KCNT2: variants seen among roughly 807,000 people sequenced by gnomAD.
The protein encoded by KCNT2 is potassium channel subfamily T member 2.
KCNT2 carries 67 observed loss-of-function variants against 153.8 expected under a neutral mutation model. The ratio of observed to expected loss-of-function variants is 0.44; its 90% CI spans 0.36 to 0.53. KCNT2 has a LOEUF of 0.53. Among genes scored for constraint, KCNT2 ranks in the 20% least tolerant of loss-of-function variants. The probability of loss-of-function intolerance (pLI) is 0.00; values close to 1 mark genes in which losing one functional copy is unlikely to be tolerated. For missense variants in KCNT2, 975 were observed against 1,354.8 expected (o/e 0.72, Z 4.40); for synonymous variants, 500 against 458.8 (o/e 1.09, Z -1.15).
At chr1:196,424,165 C>T (rs1265518263) in intron 11 of KCNT2, among the ~76,000 whole-genome samples, 1 of 151,464 alleles carries the variant, frequency 6.6e-6, no homozygotes, top group Non-Finnish European at 1.5e-5. Flanking sequence ...TAAATATGGT[C>T]GCTTTTACCA....
At chr1:196,352,235 G>A (rs1466531003) in intron 14 of KCNT2, among the ~76,000 whole-genome samples, 1 of 151,918 alleles carries the variant, frequency 6.6e-6, no homozygotes, top group Admixed American at 6.6e-5. Context: ...GAGTTAGGGA[G>A]GATTCCCTCT....
At chr1:196,303,732 C>T (rs533162288) in intron 22 of KCNT2, among the ~76,000 whole-genome samples, 20 of 152,188 alleles carry the variant, frequency 1.3e-4, no homozygotes, top group Non-Finnish European at 2.5e-4. Flanking sequence ...CCCAAGGCTA[C>T]GAAATAATTT....
At chr1:196,499,368 C>T (rs973738742) in intron 1 of KCNT2, among the ~76,000 whole-genome samples, 8 of 152,220 alleles carry the variant, frequency 5.3e-5, no homozygotes, top group African/African-American at 1.7e-4. Flanking sequence ...ATACCACGTT[C>T]ATTCATTAGA....
At chr1:196,436,521 C>T (rs1455133539) in intron 8 of KCNT2, among the ~76,000 whole-genome samples, 2 of 151,398 alleles carry the variant, frequency 1.3e-5, no homozygotes, top group Non-Finnish European at 3.0e-5. Flanking sequence ...AGTTATTTTA[C>T]TTAGATCTGT....
At chr1:196,375,090 A>G (rs561235164) in intron 13 of KCNT2, among the ~76,000 whole-genome samples, 13 of 151,820 alleles carry the variant, frequency 8.6e-5, no homozygotes, top group Non-Finnish European at 1.5e-4. Context: ...AAAAAAGTAA[A>G]AAAAATAATT....
At chr1:196,243,593 TG>T (rs1373376422) in intron 26 of KCNT2, among the ~76,000 whole-genome samples, 1 of 152,004 alleles carries the variant, frequency 6.6e-6, no homozygotes, top group Admixed American at 6.6e-5. Flanking sequence ...CCTGGAACAG[TG>T]GTAAGCAACA....
At chr1:196,329,713 C>T (rs1233801504) in intron 18 of KCNT2, among the ~76,000 whole-genome samples, 1 of 149,702 alleles carries the variant, frequency 6.7e-6, no homozygotes, top group Non-Finnish European at 1.5e-5. Context: ...ACTGAAAATA[C>T]ATAGCTTGCC....
chr1:196,419,521 C>T (rs149941257), intron 12 of KCNT2, among the ~76,000 whole-genome samples: 8,697 of 151,368 alleles, frequency 0.057, 384 homozygotes, highest in Non-Finnish European at 0.085. Context: ...ACTCATCATT[C>T]TTTATGGTTG....
chr1:196,476,611 T>G (rs1347762757), intron 5 of KCNT2, among the ~76,000 whole-genome samples: 1 of 152,172 alleles, frequency 6.6e-6, no homozygotes, highest in African/African-American at 2.4e-5. Context: ...TCTAATTTAC[T>G]TATTGATCCA....
intron 22 of KCNT2, among the ~76,000 whole-genome samples, chr1:196,294,681 A>G (rs941543279): frequency 2.0e-5 from 3 of 152,160 alleles, no homozygotes; most frequent in Admixed American, 1.3e-4. Flanking sequence ...CTGAAAAAGT[A>G]TGTTGAAGAG....
At chr1:196,286,541 A>G (rs1301632165) in intron 22 of KCNT2, among the ~76,000 whole-genome samples, 1 of 151,946 alleles carries the variant, frequency 6.6e-6, no homozygotes, top group Non-Finnish European at 1.5e-5. Context: ...CTAGCTGTCC[A>G]TCATCTTAGT....
intron 1 of KCNT2, among the ~76,000 whole-genome samples, chr1:196,575,753 G>A (rs913376232): frequency 4.0e-5 from 6 of 151,840 alleles, no homozygotes; most frequent in East Asian, 1.9e-4. Flanking sequence ...TAAGGCTGGC[G>A]GATCACCTGA....
At chr1:196,606,900 A>T (rs1315732700) in intron 1 of KCNT2, among the ~76,000 whole-genome samples, 1 of 152,162 alleles carries the variant, frequency 6.6e-6, no homozygotes, top group Non-Finnish European at 1.5e-5. Context: ...TATTTTCTTT[A>T]TCTTCAGTTT....
intron 1 of KCNT2, among the ~76,000 whole-genome samples, chr1:196,592,560 T>C (rs1663505255): frequency 1.4e-5 from 2 of 147,204 alleles, no homozygotes; most frequent in South Asian, 4.2e-4. Flanking sequence ...ATAAATGTAT[T>C]TATATAGTTA....
At chr1:196,304,161 T>C (rs1352724396) in intron 22 of KCNT2, among the ~76,000 whole-genome samples, 1 of 152,114 alleles carries the variant, frequency 6.6e-6, no homozygotes, top group East Asian at 1.9e-4. Context: ...ACATCACGTG[T>C]GTGACTAGCT....
At chr1:196,601,220 C>T (rs1057058257) in intron 1 of KCNT2, among the ~76,000 whole-genome samples, 1 of 152,172 alleles carries the variant, frequency 6.6e-6, no homozygotes, top group Admixed American at 6.5e-5. Context: ...CCTTACACCT[C>T]GATCTCAACA....
intron 14 of KCNT2, among the ~76,000 whole-genome samples, chr1:196,366,803 G>T (rs1196570225): frequency 2.0e-5 from 3 of 151,998 alleles, no homozygotes; most frequent in Admixed American, 1.3e-4. Context: ...GATTTTTCTG[G>T]TTTTTTAAGA....
chr1:196,248,325 G>A (rs896585666), intron 26 of KCNT2, among the ~76,000 whole-genome samples: 7 of 151,476 alleles, frequency 4.6e-5, no homozygotes, highest in African/African-American at 1.7e-4. Flanking sequence ...ACATTGAAAT[G>A]AAGAAAAAAA....
At chr1:196,439,914 C>T (rs894246583) in intron 8 of KCNT2, among the ~76,000 whole-genome samples, 3 of 151,806 alleles carry the variant, frequency 2.0e-5, no homozygotes, top group South Asian at 2.1e-4. Context: ...GGGGAGGGAG[C>T]GCATTACGAC....
Sources: gnomAD v4.1 joint callset for allele counts (sites outside exome capture counted in the v4.1 genomes callset) on GRCh38, gnomAD v4.1.1 for gene constraint, MANE v1.5 for transcripts, NCBI Gene and HGNC (gene_info 2026-07-23, HGNC 2026-07-21) for gene names.